Variants in PDE1C observed in about 807,000 individuals in gnomAD.
PDE1C encodes phosphodiesterase 1C.
A neutral mutation model predicts 93.1 loss-of-function variants in PDE1C; 62 were observed. The observed-to-expected ratio is 0.67, with a 90% confidence interval of 0.54 to 0.82. PDE1C has a LOEUF of 0.82. Ranked by LOEUF, PDE1C falls within the 40% of genes least tolerant of loss-of-function variation. The probability of loss-of-function intolerance (pLI) is 0.00; values close to 1 mark genes in which losing one functional copy is unlikely to be tolerated. For missense variants in PDE1C, 742 were observed against 884.6 expected (o/e 0.84, Z 2.04); for synonymous variants, 325 against 310.1 (o/e 1.05, Z -0.50).
In PDE1C at chr7:31,774,912, C is replaced by A. The variant is rs150606904; in HGVS notation, c.1960+752G>T. ...TCATTTTTTAAATTTTCTTCAATGA[C>A]GGTATTTATCTTTTATAATCTTTCC... On this transcript the variant is annotated intron_variant, in intron 17 of 17. Transcript: ENST00000396191. Among the ~76,000 whole-genome samples, 47 of 152,164 alleles carry A rather than the reference C, an allele frequency of 3.1e-4. 1 individual carries two copies. In the East Asian group the frequency reaches 9.1e-3, roughly 29 times the overall value.
intron 1 of PDE1C, among the ~76,000 whole-genome samples, chr7:32,422,473 C>A (rs1357801180): frequency 6.6e-6 from 1 of 151,478 alleles, no homozygotes; most frequent in Non-Finnish European, 1.5e-5. Flanking sequence ...GTTTTTCAAC[C>A]CTTTCCCCCC....
intron 2 of PDE1C, among the ~76,000 whole-genome samples, chr7:32,177,799 G>C (rs148385558): frequency 2.0e-5 from 3 of 152,114 alleles, no homozygotes; most frequent in African/African-American, 7.2e-5. Context: ...GAATCTGTGC[G>C]TGTAACACAC....
chr7:32,281,712 A>G (rs531206154), intron 1 of PDE1C, among the ~76,000 whole-genome samples: 1 of 152,364 alleles, frequency 6.6e-6, no homozygotes, highest in South Asian at 2.1e-4. Flanking sequence ...TTAAAGAAAT[A>G]CAGATGCACA....
intron 1 of PDE1C, among the ~76,000 whole-genome samples, chr7:32,337,842 GC>G (rs1170395658): frequency 1.4e-4 from 21 of 152,148 alleles, no homozygotes; most frequent in African/African-American, 5.1e-4. Context: ...TGAAGTCAAA[GC>G]AGGAGCATGA....
exon 1 of PDE1C, chr7:32,427,824 G>A (rs1785567045): frequency 6.6e-6 from 1 of 152,234 alleles, no homozygotes; most frequent in Non-Finnish European, 1.5e-5. Context: ...AAACTCACCC[G>A]CTGCGCTGCG....
intron 3 of PDE1C, among the ~76,000 whole-genome samples, chr7:32,155,795 G>A (rs1357658454): frequency 6.6e-6 from 1 of 152,212 alleles, no homozygotes; most frequent in African/African-American, 2.4e-5. Flanking sequence ...TAAATGGTGT[G>A]CTCAAGGTCA....
At position 31,971,550 on chromosome 7, in the gene PDE1C, C is replaced by T. The variant is rs1022397180; in HGVS notation, c.128+80004G>A. 2.6e-5 allele frequency among the ~76,000 whole-genome samples: 4 copies of T among 152,050 alleles called. No homozygotes were observed. The East Asian group carries it at 5.8e-4, about 22-fold the overall frequency. On this transcript the variant is annotated intron_variant, in intron 2 of 17. Coordinates refer to ENST00000396191, the MANE Select transcript of PDE1C (RefSeq NM_001191057.4). ...CAACAGATGACAGCCCTCACTATTA[C>T]GGCCTACACTGATTCTTCAGTCTGC...
intron 14 of PDE1C, among the ~76,000 whole-genome samples, chr7:31,821,660 C>G (rs1001920717): frequency 1.3e-5 from 2 of 152,042 alleles, no homozygotes; most frequent in African/African-American, 4.8e-5. Flanking sequence ...CAACATCTGT[C>G]CTGAAATGAT....
At chr7:31,939,120 C>G (rs1805478219) in intron 2 of PDE1C, among the ~76,000 whole-genome samples, 1 of 152,088 alleles carries the variant, frequency 6.6e-6, no homozygotes, top group Admixed American at 6.6e-5. Flanking sequence ...GAGGACAAAA[C>G]TAGGTGGTTG....
chr7:32,417,670 TAAAAA>T (rs200338870), intron 1 of PDE1C, among the ~76,000 whole-genome samples: 20 of 112,404 alleles, frequency 1.8e-4, no homozygotes, highest in African/African-American at 5.4e-4. Flanking sequence ...CCCAATTTAG[TAAAAA>T]AAAAAAAAAA....
intron 17 of PDE1C, among the ~76,000 whole-genome samples, chr7:31,764,680 T>C (rs992726124): frequency 6.6e-6 from 1 of 152,212 alleles, no homozygotes; most frequent in African/African-American, 2.4e-5. Flanking sequence ...CCTGAGCCAG[T>C]GATTCCCTGG....
At chr7:31,928,210 T>C (rs957081913) in intron 2 of PDE1C, among the ~76,000 whole-genome samples, 1 of 151,588 alleles carries the variant, frequency 6.6e-6, no homozygotes, top group Non-Finnish European at 1.5e-5. Context: ...ATCAACTTAA[T>C]GAAATGAAGA....
At chr7:31,940,096 G>A (rs1805617406) in intron 2 of PDE1C, among the ~76,000 whole-genome samples, 1 of 152,166 alleles carries the variant, frequency 6.6e-6, no homozygotes, top group Non-Finnish European at 1.5e-5. Context: ...GCCCCACCTG[G>A]AGAGACTGAT....
At chr7:32,064,891 A>C (rs1361350158) in intron 1 of PDE1C, among the ~76,000 whole-genome samples, 1 of 152,016 alleles carries the variant, frequency 6.6e-6, no homozygotes, top group African/African-American at 2.4e-5. Flanking sequence ...TCATGACTAC[A>C]CTTCTATCTG....
At chr7:32,206,178 C>T (rs1156529306) in intron 2 of PDE1C, among the ~76,000 whole-genome samples, 1 of 152,100 alleles carries the variant, frequency 6.6e-6, no homozygotes, top group Non-Finnish European at 1.5e-5. Flanking sequence ...GGGACTCTCC[C>T]ACTAGCATGT....
exon 1 of PDE1C, chr7:32,298,835 C>T (rs897215946): frequency 1.4e-6 from 2 of 1,434,066 alleles, no homozygotes; most frequent in Admixed American, 2.7e-5. Context: ...GCGAATCCTC[C>T]CCCGGCCGCG....
chr7:32,225,374 TCA>T (rs1180400397), intron 1 of PDE1C, among the ~76,000 whole-genome samples: 1 of 151,824 alleles, frequency 6.6e-6, no homozygotes, highest in Non-Finnish European at 1.5e-5. Flanking sequence ...ACAAACACAC[TCA>T]CACATACACA....
chr7:31,765,456 C>T (rs1367167074), intron 17 of PDE1C, among the ~76,000 whole-genome samples: 2 of 152,132 alleles, frequency 1.3e-5, no homozygotes, highest in East Asian at 1.9e-4. Flanking sequence ...AAGTCTTTTG[C>T]TGTATTTTTC....
At chr7:32,294,988 C>G (rs545183417) in intron 1 of PDE1C, among the ~76,000 whole-genome samples, 1 of 152,176 alleles carries the variant, frequency 6.6e-6, no homozygotes. Context: ...GTTTCCAAGA[C>G]CTTTTGACCA....
Sources: gnomAD v4.1 joint callset for allele counts (sites outside exome capture counted in the v4.1 genomes callset) on GRCh38, gnomAD v4.1.1 for gene constraint, MANE v1.5 for transcripts, NCBI Gene and HGNC (gene_info 2026-07-23, HGNC 2026-07-21) for gene names.